The following OTUD7B variants were observed in gnomAD, a reference collection of about 807,000 sequenced individuals.
The protein encoded by OTUD7B is OTU deubiquitinase 7B, also known as OTU domain-containing protein 7B.
A neutral mutation model predicts 82.2 loss-of-function variants in OTUD7B; 34 were observed. The observed-to-expected ratio is 0.41, with a 90% CI of 0.31 to 0.55. The LOEUF (loss-of-function observed/expected upper bound fraction) is 0.55, where lower values mean the gene tolerates loss of function less well. Among genes scored for constraint, OTUD7B ranks in the 20% least tolerant of loss-of-function variants. The probability of loss-of-function intolerance (pLI) is 0.20; values close to 1 mark genes in which losing one functional copy is unlikely to be tolerated. For missense variants in OTUD7B, 944 were observed against 1,062.1 expected, an observed-to-expected ratio of 0.89 and a Z score of 1.55; for synonymous variants, 398 against 402.7, an observed-to-expected ratio of 0.99 and a Z score of 0.14.
the OTUD7B span, among the ~76,000 whole-genome samples, chr1:150,036,322 G>A: frequency 7.3e-5 from 11 of 150,426 alleles, no homozygotes; most frequent in Admixed American, 2.7e-4. Flanking sequence ...GTGCAGTGGC[G>A]CGAGCTCGGC....
the OTUD7B span, among the ~76,000 whole-genome samples, chr1:150,036,069 C>T: frequency 6.6e-6 from 1 of 151,434 alleles, no homozygotes; most frequent in Non-Finnish European, 1.5e-5. Context: ...CTTCCCCCCT[C>T]AGCCTTCCAA....
chr1:149,984,422 T>G (rs1553780408), intron 1 of OTUD7B, among the ~76,000 whole-genome samples: 1 of 152,192 alleles, frequency 6.6e-6, no homozygotes, highest in African/African-American at 2.4e-5. Context: ...TCATCCTTAC[T>G]TCTGCTCTCT....
In OTUD7B at chr1:149,949,625, G is replaced by T. The variant is rs1648030894; in HGVS notation, c.1123+4C>A. 1 of 1,612,462 alleles carries T rather than the reference G, an allele frequency of 6.2e-7. No homozygotes were observed. Among genetic ancestry groups the T allele is most frequent in the Non-Finnish European group, 8.5e-7 (1 of 1,178,896 alleles). On this transcript the variant is annotated splice_donor_region_variant and intron_variant, in intron 9 of 11. Coordinates refer to ENST00000581312, the MANE Select transcript of OTUD7B (RefSeq NM_020205.4). ...TGCAGACCAAAAGACATGTCATTCA[G>T]CACCTTGTTCCTTGGTATTCTCCTT...
Position 149,967,819 on chromosome 1 carries a change from T to C in OTUD7B, c.275-298A>G, listed in dbSNP as rs138223701. Among the ~76,000 whole-genome samples, 742 of 152,140 alleles carry C rather than the reference T, an allele frequency of 4.9e-3. 4 individuals are homozygous for C. The highest frequency in any genetic ancestry group is 0.017 in the African/African-American group (714 of 41,504). On this transcript the variant is annotated intron_variant, in intron 3 of 11. Transcript: ENST00000581312. The stretch of plus-strand genomic sequence containing the variant: ...CTTCCTCCACTTCCATATTTCCCAG[T>C]GTGATAGGGACCCATTCATTTAGCA...
chr1:149,950,846 C>G (rs1648158725), intron 7 of OTUD7B, among the ~76,000 whole-genome samples: 4 of 139,340 alleles, frequency 2.9e-5, no homozygotes, highest in Admixed American at 1.6e-4. Flanking sequence ...CAGGCTGGAG[C>G]AGTGGCGCGA....
At chr1:150,011,380 T>C (rs1448805069), upstream of OTUD7B, among the ~76,000 whole-genome samples, 2 of 152,200 alleles carry the variant, frequency 1.3e-5, no homozygotes, top group Admixed American at 6.5e-5. Context: ...ATGTATTGTA[T>C]CCCTGTGATG....
rs1411722633 is a variant in OTUD7B, at chr1:149,985,718, G to GC, written c.-66-8143dup. ...AGCCATGATGGCACCACTGCACTCA[G>GC]CCTGAGGGACACAGTGAGACCCTGT... On this transcript the variant is annotated intron_variant, in intron 1 of 11. Transcript: ENST00000581312. Among the ~76,000 whole-genome samples the GC allele has an allele frequency of 2.0e-5, 3 of 149,626 alleles. No homozygotes were observed. In the East Asian group the frequency reaches 5.9e-4, roughly 30 times the overall value.
At chr1:149,995,485 A>G (rs1326357885) in intron 1 of OTUD7B, among the ~76,000 whole-genome samples, 5 of 152,120 alleles carry the variant, frequency 3.3e-5, no homozygotes, top group African/African-American at 9.7e-5. Flanking sequence ...AGGCTGAGCC[A>G]GGGGAATCGC....
the OTUD7B span, among the ~76,000 whole-genome samples, chr1:150,063,499 T>A: frequency 6.6e-6 from 1 of 152,090 alleles, no homozygotes; most frequent in Non-Finnish European, 1.5e-5. Flanking sequence ...AATACAGAAA[T>A]CCAGTTTCTT....
the OTUD7B span, among the ~76,000 whole-genome samples, chr1:150,034,498 T>C: frequency 1.2e-4 from 18 of 152,328 alleles, no homozygotes; most frequent in African/African-American, 3.8e-4. Context: ...GTGACAGAAT[T>C]ATGACAGGAG....
chr1:149,970,928 A>G, intron 3 of OTUD7B, 135 bp downstream of exon 3: 3 of 703,906 alleles, frequency 4.3e-6, no homozygotes, highest in Non-Finnish European at 4.4e-6. Context: ...GACTGAGGCC[A>G]CCTCAGTCTG....
At chr1:149,945,093 G>C in intron 11 of OTUD7B, 28 bp from the exon 12 acceptor site, 1 of 1,597,972 alleles carries the variant, frequency 6.3e-7, no homozygotes, top group African/African-American at 1.3e-5. Flanking sequence ...ACTGTTGACA[G>C]TTATCCCAGC....
At chr1:149,983,452 T>C (rs1484637176) in intron 1 of OTUD7B, among the ~76,000 whole-genome samples, 3 of 152,116 alleles carry the variant, frequency 2.0e-5, no homozygotes, top group Non-Finnish European at 4.4e-5. Context: ...AATAAAGCAA[T>C]GTTAGAGAAG....
intron 1 of OTUD7B, among the ~76,000 whole-genome samples, chr1:150,006,608 T>C (rs1395188516): frequency 6.6e-6 from 1 of 152,134 alleles, no homozygotes; most frequent in African/African-American, 2.4e-5. Context: ...AACCAGGAAA[T>C]GTCTTTGTTA....
In OTUD7B at chr1:149,942,682, A is replaced by G. The variant is rs1443939244; in HGVS notation, c.*1175T>C. The G allele has an allele frequency of 4.6e-5, 7 of 152,624 alleles. No homozygotes were observed. The highest frequency in any genetic ancestry group is 1.7e-4 in the African/African-American group (7 of 41,434). The allele number at this position is 152,624 out of a possible 1,614,324, so 9.5% of individuals were successfully genotyped here. A position where few individuals can be genotyped will look rare whatever the true frequency, so the allele number is the denominator to read the frequency against. ...TATTTTTAATTATTTTAATAAACTA[A>G]CCACAGATTAAGGTCAGCTATGGCT... On this transcript the variant is annotated 3_prime_UTR_variant, in exon 12 of 12. Transcript: ENST00000581312.
At chr1:149,993,066 G>A (rs1182841109) in intron 1 of OTUD7B, among the ~76,000 whole-genome samples, 1 of 152,090 alleles carries the variant, frequency 6.6e-6, no homozygotes, top group Non-Finnish European at 1.5e-5. Flanking sequence ...CAGGAGCATC[G>A]CTTGAACTAG....
upstream of OTUD7B, among the ~76,000 whole-genome samples, chr1:150,014,784 G>A (rs1653221071): frequency 6.6e-6 from 1 of 152,140 alleles, no homozygotes; most frequent in Admixed American, 6.5e-5. Flanking sequence ...ATTAGAGGGA[G>A]GTGAAGATCA....
the OTUD7B span, among the ~76,000 whole-genome samples, chr1:150,019,225 A>G: frequency 6.6e-6 from 1 of 152,140 alleles, no homozygotes; most frequent in Non-Finnish European, 1.5e-5. Flanking sequence ...TCTGACGTAA[A>G]CTATTGTAAA....
At chr1:149,993,156 A>T (rs777733343) in intron 1 of OTUD7B, among the ~76,000 whole-genome samples, 2 of 152,194 alleles carry the variant, frequency 1.3e-5, no homozygotes, top group Non-Finnish European at 2.9e-5. Context: ...AAAAAAAGAA[A>T]GTATACAGCC....
Sources: gnomAD v4.1 joint callset for allele counts (sites outside exome capture counted in the v4.1 genomes callset) on GRCh38, gnomAD v4.1.1 for gene constraint, MANE v1.5 for transcripts, NCBI Gene and HGNC (gene_info 2026-07-23, HGNC 2026-07-21) for gene names.